FZR1: variants seen among roughly 807,000 people sequenced by gnomAD.
The protein encoded by FZR1 is fizzy and cell division cycle 20 related 1.
A neutral mutation model predicts 63.6 loss-of-function variants in FZR1; 11 were observed. The ratio of observed to expected loss-of-function variants is 0.17; its 90% CI spans 0.11 to 0.29. The LOEUF (loss-of-function observed/expected upper bound fraction) is 0.29, where lower values mean the gene tolerates loss of function less well. Among genes scored for constraint, FZR1 ranks in the 10% least tolerant of loss-of-function variants. FZR1 has a pLI of 1.00. For synonymous variants in FZR1, 328 were observed against 297.9 expected (o/e 1.10, Z -1.04); for missense variants, 440 against 687.5 (o/e 0.64, Z 4.03).
chr19:3,509,859 C>T (rs2083012276), intron 1 of FZR1, among the ~76,000 whole-genome samples: 1 of 152,112 alleles, frequency 6.6e-6, no homozygotes, highest in South Asian at 2.1e-4. Flanking sequence ...ATTCAGTGGA[C>T]GTTGGTGCTG....
At chr19:3,518,561 T>C (rs2083075746) in intron 1 of FZR1, among the ~76,000 whole-genome samples, 2 of 152,128 alleles carry the variant, frequency 1.3e-5, no homozygotes, top group Non-Finnish European at 1.5e-5. Flanking sequence ...GTTCCGCTTG[T>C]GCCCGCGCTC....
chr19:3,520,243 G>A (rs999516888), intron 1 of FZR1, among the ~76,000 whole-genome samples: 2 of 152,052 alleles, frequency 1.3e-5, no homozygotes, highest in African/African-American at 4.8e-5. Flanking sequence ...GTGGAGAACC[G>A]GTGGGGACTG....
At chr19:3,532,123 C>A in intron 10 of FZR1, 28 bp downstream of exon 10, 1 of 1,476,708 alleles carries the variant, frequency 6.8e-7, no homozygotes, top group Non-Finnish European at 9.0e-7. Context: ...CTGGGCTTCC[C>A]CTTCACCAGA....
Position 3,517,541 on chromosome 19 carries a change from A to G in FZR1, c.-34-5415A>G, listed in dbSNP as rs533842734. 2.8e-4 allele frequency among the ~76,000 whole-genome samples: 43 copies of G among 151,962 alleles called. 1 individual carries two copies. In the South Asian group the frequency reaches 8.7e-3, roughly 31 times the overall value. On this transcript the variant is annotated intron_variant, in intron 1 of 13. Transcript: ENST00000441788. ...CTCTCTACTAAAAATACAAAAAAAT[A>G]GCTGGGTGTGGTGGTGAGTGCCTGT...
chr19:3,535,237 C>T lies in FZR1; in HGVS notation c.*401C>T, dbSNP rs745967137. 1.4e-5 allele frequency: 3 copies of T among 211,866 alleles called. No homozygotes were observed. The highest frequency in any genetic ancestry group is 2.8e-5 in the Non-Finnish European group (3 of 105,676). 13.1% of individuals were successfully genotyped at this position (211,866 alleles called of 1,614,324 possible). A position where few individuals can be genotyped will look rare whatever the true frequency, so the allele number is the denominator to read the frequency against. Reference sequence around the variant, plus strand: ...GCCCACGTCTGCACAGAACAGACCACCAGACGCCAGGGCTGATTGGTGGGG... The same window carrying T: ...GCCCACGTCTGCACAGAACAGACCATCAGACGCCAGGGCTGATTGGTGGGG... On this transcript the variant is annotated 3_prime_UTR_variant, in exon 14 of 14. Coordinates refer to ENST00000441788, the MANE Select transcript of FZR1 (RefSeq NM_016263.4).
rs369845128 is a variant in FZR1, at chr19:3,533,396, C to T, written c.1345C>T (p.Leu449=). 17 of 1,599,086 alleles carry T rather than the reference C, an allele frequency of 1.1e-5. No homozygotes were observed. The highest frequency in any genetic ancestry group is 1.5e-5 in the Non-Finnish European group (17 of 1,167,336). ...LTGHSYRVLY[L]AMSPDGEAIV... ...CGGGCACTCCTACCGCGTGCTGTAC[C>T]TGGTGAGTTCACGCCAGGCACTTCA... Residue 449 remains leucine (L), a splice_region_variant and synonymous_variant, in exon 12 of 14, where the codon CTG becomes TTG. Transcript: ENST00000441788. The surrounding 1 kb of genome is among the most constrained non-coding windows in gnomAD (Gnocchi z 4.9).
rs1037713603 is a variant in FZR1 at position 3,526,946 on chromosome 19, C to T, written c.388-34C>T. 1.1e-5 allele frequency: 17 copies of T among 1,503,324 alleles called. No individual in the cohort carries two copies. The highest frequency in any genetic ancestry group is 1.7e-4 in the Middle Eastern group (1 of 5,890). 93.1% of individuals were successfully genotyped at this position (1,503,324 alleles called of 1,614,324 possible). Reference sequence around the variant, plus strand: ...GGCTCTGAGGGTCCTGCGGCCTGGGCGTGCGCTCAGCTGGCATGTCCCCCG... The same window carrying T: ...GGCTCTGAGGGTCCTGCGGCCTGGGTGTGCGCTCAGCTGGCATGTCCCCCG... On this transcript the variant is annotated intron_variant, in intron 5 of 13. Transcript: ENST00000441788. The surrounding 1 kb of genome is among the most constrained non-coding windows in gnomAD (Gnocchi z 5.4).
At position 3,531,813 on chromosome 19, in the gene FZR1, G is replaced by A. The variant is rs752307097; in HGVS notation, c.820G>A (p.Val274Ile). 98 of 1,550,116 alleles carry A rather than the reference G, an allele frequency of 6.3e-5. No homozygotes were observed. The highest frequency in any genetic ancestry group is 7.8e-5 in the Admixed American group (4 of 50,962). ...CATGTTGGAGGGCCACACGGCACGCGTCGGTGAGGAGCCCGGGTCCCATGG... is the reference window on the plus strand; with the variant it reads ...CATGTTGGAGGGCCACACGGCACGCATCGGTGAGGAGCCCGGGTCCCATGG... ...LSMLEGHTAR[V>I]GALAWNAEQL... Residue 274 changes from valine (V) to isoleucine (I), a missense_variant, in exon 9 of 14, where the codon GTC becomes ATC. By Grantham distance (29) the Val-to-Ile change is conservative (BLOSUM62 3). This residue lies in a region of FZR1 where 208 missense variants were observed against 363.6 expected (regional missense o/e 0.57). Transcript: ENST00000441788.
Position 3,512,681 on chromosome 19 carries a change from G to A in FZR1, c.-35+6207G>A, listed in dbSNP as rs571914391. Among the ~76,000 whole-genome samples the A allele has an allele frequency of 2.2e-4, 34 of 152,238 alleles. No individual in the cohort carries two copies. In the East Asian group the frequency reaches 5.4e-3, roughly 24 times the overall value. Reference sequence around the variant, plus strand: ...CTGGGTGGGGTGGTGCTGGTGGGGGGCTCACGTGCTCTGACAAGGCCATCT... The same window carrying A: ...CTGGGTGGGGTGGTGCTGGTGGGGGACTCACGTGCTCTGACAAGGCCATCT... On this transcript the variant is annotated intron_variant, in intron 1 of 13. Coordinates refer to ENST00000441788, the MANE Select transcript of FZR1 (RefSeq NM_016263.4).
At position 3,533,549 on chromosome 19, in the gene FZR1, G is replaced by A. The variant is rs977672504; in HGVS notation, c.1347+151G>A. On this transcript the variant is annotated intron_variant, in intron 12 of 13. Coordinates refer to ENST00000441788, the MANE Select transcript of FZR1 (RefSeq NM_016263.4). This position sits in a 1 kb window ranked among gnomAD's most constrained non-coding sequence, Gnocchi z 4.9. Reference sequence around the variant, plus strand: ...AGCAGCAGGGGCCGGCAGGGCATCTGGTGCTGGTTGTGTTGCCAGCGTTGG... The same window carrying A: ...AGCAGCAGGGGCCGGCAGGGCATCTAGTGCTGGTTGTGTTGCCAGCGTTGG... 82 of 608,814 alleles carry A rather than the reference G, an allele frequency of 1.3e-4. No individual in the cohort carries two copies. The highest frequency in any genetic ancestry group is 2.3e-4 in the Non-Finnish European group (76 of 336,724). The allele number at this position is 608,814 out of a possible 1,614,324, so 37.7% of individuals were successfully genotyped here.
At position 3,525,870 on chromosome 19, in the gene FZR1, C is replaced by T. The variant is rs748652645; in HGVS notation, c.72C>T (p.Val24=). The T allele has an allele frequency of 4.3e-6, 7 of 1,611,004 alleles. No individual in the cohort carries two copies. Among genetic ancestry groups the T allele is most frequent in the Non-Finnish European group, 5.9e-6 (7 of 1,179,910 alleles). ...AGCCCTCTGCTGATGCCCTTCAGGT[C>T]ACAGAGATGCGGCGGACCCTGACGC... The part of the protein sequence containing the change: ...VIQNENTMPR[V]TEMRRTLTPA... Residue 24 remains valine, a splice_region_variant and synonymous_variant, in exon 3 of 14, where the codon GTC becomes GTT. Coordinates refer to ENST00000441788, the MANE Select transcript of FZR1 (RefSeq NM_016263.4). The surrounding 1 kb of genome is among the most constrained non-coding windows in gnomAD (Gnocchi z 4.2).
At chr19:3,529,817 T>TGGATGGGTGAGCGGATGGGTGAGC (rs368762719) in intron 7 of FZR1, among the ~76,000 whole-genome samples, 21 of 66,190 alleles carry the variant, frequency 3.2e-4, no homozygotes, top group Non-Finnish European at 2.7e-4. Context: ...GATGGTTGAG[T>TGGATGGGTGAGCGGATGGGTGAGC]GGATGGGTGA....
In FZR1 at chr19:3,525,830, T is replaced by C; in HGVS notation, c.70-38T>C. 1 of 1,599,974 alleles carries C rather than the reference T, an allele frequency of 6.3e-7. No homozygotes were observed. The highest frequency in any genetic ancestry group is 8.5e-7 in the Non-Finnish European group (1 of 1,176,360). ...GCCTGGGGGCACTCTCGGGGGGCTCTCGGTGCTGAGAGCAAGCCCTCTGCT... is the reference window on the plus strand; with the variant it reads ...GCCTGGGGGCACTCTCGGGGGGCTCCCGGTGCTGAGAGCAAGCCCTCTGCT... On this transcript the variant is annotated intron_variant, in intron 2 of 13. Coordinates refer to ENST00000441788, the MANE Select transcript of FZR1 (RefSeq NM_016263.4). The surrounding 1 kb of genome is among the most constrained non-coding windows in gnomAD (Gnocchi z 4.2).
intron 1 of FZR1, among the ~76,000 whole-genome samples, chr19:3,508,447 G>A (rs1450686890): frequency 2.0e-5 from 3 of 152,084 alleles, no homozygotes; most frequent in Admixed American, 2.0e-4. Flanking sequence ...TGCCCGCCTC[G>A]AGGCCTCCCA....
intron 7 of FZR1, among the ~76,000 whole-genome samples, chr19:3,528,571 C>T (rs977909441): frequency 6.6e-6 from 1 of 152,044 alleles, no homozygotes; most frequent in Non-Finnish European, 1.5e-5. Context: ...TTGCCAGGTC[C>T]CAGCAGTGAC....
chr19:3,531,684 C>G (rs775498036), intron 8 of FZR1, 30 bp from the exon 9 acceptor site: 1 of 1,475,814 alleles, frequency 6.8e-7, no homozygotes, highest in Non-Finnish European at 9.3e-7. Context: ...AGACCTGACA[C>G]CGGTGCTCTG....
chr19:3,526,021 G>T lies in FZR1; in HGVS notation c.195+28G>T. Reference sequence around the variant, plus strand: ...GAGGGGCTGGCTGGGCAGGAGATGGGACCCCCCGGGAAGCCCAGGGCCCCT... The same window carrying T: ...GAGGGGCTGGCTGGGCAGGAGATGGTACCCCCCGGGAAGCCCAGGGCCCCT... On this transcript the variant is annotated intron_variant, in intron 3 of 13. Coordinates refer to ENST00000441788, the MANE Select transcript of FZR1 (RefSeq NM_016263.4). This position sits in a 1 kb window ranked among gnomAD's most constrained non-coding sequence, Gnocchi z 5.4. The T allele has an allele frequency of 4.3e-6, 7 of 1,611,188 alleles. No individual in the cohort carries two copies. The highest frequency in any genetic ancestry group is 5.9e-6 in the Non-Finnish European group (7 of 1,179,286).
chr19:3,513,205 G>A (rs79331783), intron 1 of FZR1, among the ~76,000 whole-genome samples: 14,783 of 151,908 alleles, frequency 0.097, 1,026 homozygotes, highest in Middle Eastern at 0.2. Flanking sequence ...CTCTGTCACC[G>A]CCATCCAGCA....
Position 3,533,595 on chromosome 19 carries a change from C to T in FZR1, c.1347+197C>T, listed in dbSNP as rs1190434796. 1 of 576,396 alleles carries T rather than the reference C, an allele frequency of 1.7e-6. No homozygotes were observed. Among genetic ancestry groups the T allele is most frequent in the African/African-American group, 1.9e-5 (1 of 53,184 alleles). 35.7% of individuals were successfully genotyped at this position (576,396 alleles called of 1,614,324 possible). A position where few individuals can be genotyped will look rare whatever the true frequency, so the allele number is the denominator to read the frequency against. On this transcript the variant is annotated intron_variant, in intron 12 of 13. Coordinates refer to ENST00000441788, the MANE Select transcript of FZR1 (RefSeq NM_016263.4). The surrounding 1 kb of genome is among the most constrained non-coding windows in gnomAD (Gnocchi z 4.9). ...GTTGGAATGGGCTCTACCGAACTCC[C>T]CAGCCCTGCAGGTGCAGGCCCTGTC... is the stretch of plus-strand genomic sequence containing the variant.
Sources: gnomAD v4.1 joint callset for allele counts (sites outside exome capture counted in the v4.1 genomes callset) on GRCh38, gnomAD v4.1.1 for gene constraint, gnomAD v4.1.1 regional missense constraint, Gnocchi (gnomAD v3.1) non-coding constraint, MANE v1.5 for transcripts, NCBI Gene and HGNC (gene_info 2026-07-23, HGNC 2026-07-21) for gene names.